Variants in CWF19L2 observed in about 807,000 individuals in gnomAD.
The protein encoded by CWF19L2 is CWF19 like cell cycle control factor 2, also known as CWF19-like protein 2.
A neutral mutation model predicts 111.7 loss-of-function variants in CWF19L2; 98 were observed. That is an observed-to-expected ratio of 0.88 (90% confidence interval 0.75 to 1.04). The LOEUF (loss-of-function observed/expected upper bound fraction) is 1.04, where lower values mean the gene tolerates loss of function less well. CWF19L2 is among the 50% of genes least tolerant of loss of function. The pLI is 0.00. For synonymous variants in CWF19L2, 351 were observed against 342.9 expected (o/e 1.02, Z -0.26); for missense variants, 1,101 against 1,051.4 (o/e 1.05, Z -0.65).
chr11:107,331,805 G>A (rs1414891276), intron 16 of CWF19L2, among the ~76,000 whole-genome samples: 6 of 152,316 alleles, frequency 3.9e-5, no homozygotes, highest in Admixed American at 2.0e-4. Flanking sequence ...TCACACAAAG[G>A]CAACTGCTGT....
chr11:107,336,816 A>G, intron 14 of CWF19L2, 103 bp from the exon 15 acceptor site: 1 of 641,518 alleles, frequency 1.6e-6, no homozygotes, highest in East Asian at 3.1e-5. Context: ...AAAAAGTACA[A>G]ATCCCTTTAA....
intron 12 of CWF19L2, among the ~76,000 whole-genome samples, chr11:107,382,631 T>C (rs1860705574): frequency 6.6e-6 from 1 of 152,232 alleles, no homozygotes; most frequent in Non-Finnish European, 1.5e-5. Context: ...GGCACATCTA[T>C]GGTAAGAAAA....
intron 14 of CWF19L2, among the ~76,000 whole-genome samples, chr11:107,339,209 T>C (rs955851615): frequency 1.3e-5 from 2 of 152,218 alleles, no homozygotes; most frequent in African/African-American, 4.8e-5. Flanking sequence ...GATATGGATG[T>C]GCCCAGTATG....
Position 107,370,232 on chromosome 11 carries a change from T to G in CWF19L2, c.1873-16496A>C, listed in dbSNP as rs149821774. On this transcript the variant is annotated intron_variant, in intron 12 of 17. Transcript: ENST00000282251. ...GTTCTTCTATTAAATCATGTACCAC[T>G]GCAATACTAAAAAGTCAGCAGCTAA... Among the ~76,000 whole-genome samples, 806 of 137,426 alleles carry G rather than the reference T, an allele frequency of 5.9e-3. 196 individuals carry two copies. The highest frequency in any genetic ancestry group is 0.022 in the African/African-American group (755 of 34,462). 90.2% of individuals were successfully genotyped at this position (137,426 alleles called of 152,430 possible). A position where few individuals can be genotyped will look rare whatever the true frequency, so the allele number is the denominator to read the frequency against.
chr11:107,457,728 G>C lies in CWF19L2; in HGVS notation c.89C>G (p.Ala30Gly), dbSNP rs767554612. Residue 30 changes from alanine to glycine, a missense_variant, in exon 1 of 18, where the codon GCC becomes GGC. By Grantham distance (60) the Ala-to-Gly change is moderately conservative. Coordinates refer to ENST00000282251, the MANE Select transcript of CWF19L2 (RefSeq NM_152434.3). ...CAGAGGTACCTGGCGCAACACCTCG[G>C]CCCTGGCATTCCGGGTCTGTTCTTT... ...ERKEQTRNARAEVLRQAKANF... is the reference protein window; with the variant it reads ...ERKEQTRNARGEVLRQAKANF... 1 of 1,551,332 alleles carries C rather than the reference G, an allele frequency of 6.4e-7. No homozygotes were observed. The highest frequency in any genetic ancestry group is 1.4e-5 in the African/African-American group (1 of 73,014).
intron 10 of CWF19L2, among the ~76,000 whole-genome samples, chr11:107,415,113 G>A (rs1429153419): frequency 6.6e-6 from 1 of 152,056 alleles, no homozygotes; most frequent in African/African-American, 2.4e-5. Context: ...TCTCTAACCT[G>A]TATCTCCTAC....
intron 8 of CWF19L2, 107 bp downstream of exon 8, chr11:107,428,692 G>C: frequency 1.1e-6 from 1 of 880,896 alleles, no homozygotes; most frequent in Admixed American, 2.4e-5. Flanking sequence ...TCAATTTTAA[G>C]AAATGTGAGA....
At position 107,390,055 on chromosome 11, in the gene CWF19L2, T is replaced by A. The variant is rs767206229; in HGVS notation, c.1872+19A>T. 49 of 1,607,394 alleles carry A rather than the reference T, an allele frequency of 3.0e-5. No individual in the cohort carries two copies. The highest frequency in any genetic ancestry group is 4.0e-5 in the Non-Finnish European group (47 of 1,176,538). Reference sequence around the variant, plus strand: ...ATCAGCTTCTCAAAATTCAGAGGTATCCTAGGAATATATCTTACCTTAGAT... The same window carrying A: ...ATCAGCTTCTCAAAATTCAGAGGTAACCTAGGAATATATCTTACCTTAGAT... On this transcript the variant is annotated intron_variant, in intron 12 of 17. Transcript: ENST00000282251.
chr11:107,440,791 G>C (rs1861610147), intron 5 of CWF19L2, among the ~76,000 whole-genome samples: 1 of 152,102 alleles, frequency 6.6e-6, no homozygotes, highest in South Asian at 2.1e-4. Context: ...CAAGAAATCT[G>C]AATGACCAAA....
rs745723079 is a variant in CWF19L2 at position 107,348,966 on chromosome 11, A to G, written c.2173T>C (p.Leu725=). 1.3e-6 allele frequency: 2 copies of G among 1,599,714 alleles called. No individual in the cohort carries two copies. The highest frequency in any genetic ancestry group is 2.2e-5 in the East Asian group (1 of 44,736). The stretch of plus-strand genomic sequence containing the variant: ...ATCTCCTCCCAGATGTCTTCATCCA[A>G]CAAAGTAGCTGCTCTATGGTGCTGC... ...PLQHHRAATL[L]DEDIWEEIQM... is the part of the protein sequence containing the mutation. Residue 725 remains leucine (L), a synonymous_variant, in exon 14 of 18, where the codon TTG becomes CTG. Transcript: ENST00000282251.
rs1331422427 is a variant in CWF19L2, at chr11:107,326,474, A to G, written c.*436T>C. 1 of 152,968 alleles carries G rather than the reference A, an allele frequency of 6.5e-6. No homozygotes were observed. The highest frequency in any genetic ancestry group is 1.5e-5 in the Non-Finnish European group (1 of 68,638). 9.5% of individuals were successfully genotyped at this position (152,968 alleles called of 1,614,324 possible). Reference sequence around the variant, plus strand: ...AGAAAATTAAGAGCTTTTCTATAAAATCCTATGAAATTAAAATTAAATCGT... The same window carrying G: ...AGAAAATTAAGAGCTTTTCTATAAAGTCCTATGAAATTAAAATTAAATCGT... On this transcript the variant is annotated 3_prime_UTR_variant, in exon 18 of 18. Coordinates refer to ENST00000282251, the MANE Select transcript of CWF19L2 (RefSeq NM_152434.3).
At chr11:107,332,880 G>A (rs1385125305) in intron 16 of CWF19L2, among the ~76,000 whole-genome samples, 1 of 152,070 alleles carries the variant, frequency 6.6e-6, no homozygotes, top group East Asian at 1.9e-4. Flanking sequence ...CCAGCACTTT[G>A]GGAGGCGGAG....
At position 107,401,832 on chromosome 11, in the gene CWF19L2, T is replaced by C. The variant is rs190846083; in HGVS notation, c.1618-8937A>G. On this transcript the variant is annotated intron_variant, in intron 10 of 17. Coordinates refer to ENST00000282251, the MANE Select transcript of CWF19L2 (RefSeq NM_152434.3). ...CATCACACTACCTGATTTCAAACTATACTATAAGGCCATAGTCACCAAAAC... is the reference window on the plus strand; with the variant it reads ...CATCACACTACCTGATTTCAAACTACACTATAAGGCCATAGTCACCAAAAC... Among the ~76,000 whole-genome samples the C allele has an allele frequency of 2.1e-3, 325 of 152,244 alleles. 1 individual carries two copies. The highest frequency in any genetic ancestry group is 3.2e-3 in the Non-Finnish European group (221 of 68,018).
At chr11:107,360,290 CA>C (rs1860306253) in intron 12 of CWF19L2, among the ~76,000 whole-genome samples, 2 of 152,168 alleles carry the variant, frequency 1.3e-5, no homozygotes, top group Non-Finnish European at 2.9e-5. Flanking sequence ...AAAACAAAAA[CA>C]AAAACAAAAA....
intron 6 of CWF19L2, among the ~76,000 whole-genome samples, chr11:107,435,508 A>G (rs1172074994): frequency 2.0e-5 from 3 of 152,294 alleles, no homozygotes; most frequent in East Asian, 1.9e-4. Flanking sequence ...GAAAAAAAAA[A>G]TCAGAGAAAA....
intron 10 of CWF19L2, among the ~76,000 whole-genome samples, chr11:107,406,135 A>G (rs1861074043): frequency 6.6e-6 from 1 of 152,184 alleles, no homozygotes; most frequent in Admixed American, 6.5e-5. Flanking sequence ...GAAAAAGCAC[A>G]CACTGCTTTG....
In CWF19L2 at chr11:107,326,562, T is replaced by G. The variant is rs75669832; in HGVS notation, c.*348A>C. ...CTTAACAACCATGAAGCAGACCCAC[T>G]TCCCTCTGAACCAAGGATTTCCTAT... On this transcript the variant is annotated 3_prime_UTR_variant, in exon 18 of 18. Coordinates refer to ENST00000282251, the MANE Select transcript of CWF19L2 (RefSeq NM_152434.3). 1,443 of 177,346 alleles carry G rather than the reference T, an allele frequency of 8.1e-3. 21 individuals carry two copies. The highest frequency in any genetic ancestry group is 0.032 in the African/African-American group (1,368 of 42,744). 11.0% of individuals were successfully genotyped at this position (177,346 alleles called of 1,614,324 possible). A position where few individuals can be genotyped will look rare whatever the true frequency, so the allele number is the denominator to read the frequency against.
chr11:107,381,260 A>G (rs1860682313), intron 12 of CWF19L2, among the ~76,000 whole-genome samples: 1 of 152,206 alleles, frequency 6.6e-6, no homozygotes. Flanking sequence ...TTTTGCCATA[A>G]AAAACCCAAC....
In CWF19L2 at chr11:107,373,996, G is replaced by C. The variant is rs1231023172; in HGVS notation, c.1872+16078C>G. On this transcript the variant is annotated intron_variant, in intron 12 of 17. Transcript: ENST00000282251. ...ATGCAGAAGCCTCAGGAGCTGATGC[G>C]ATCAACTGGAAGAAAGGGTATCAGC... 4.3e-4 allele frequency among the ~76,000 whole-genome samples: 59 copies of C among 135,676 alleles called. 18 individuals carry two copies. Among genetic ancestry groups the C allele is most frequent in the African/African-American group, 1.8e-3 (59 of 33,532 alleles). 89.0% of individuals were successfully genotyped at this position (135,676 alleles called of 152,430 possible).
Sources: gnomAD v4.1 joint callset for allele counts (sites outside exome capture counted in the v4.1 genomes callset) on GRCh38, gnomAD v4.1.1 for gene constraint, MANE v1.5 for transcripts, NCBI Gene and HGNC (gene_info 2026-07-23, HGNC 2026-07-21) for gene names.